NRXN1: variants seen among roughly 807,000 people sequenced by gnomAD.
NRXN1 encodes the protein neurexin 1, also known as neurexin-1.
Under a neutral mutation model 150.9 loss-of-function variants are expected in NRXN1, and 39 were observed. The ratio of observed to expected loss-of-function variants is 0.26; its 90% CI spans 0.20 to 0.34. The LOEUF is 0.34. NRXN1 is among the 10% of genes least tolerant of loss of function. The pLI, the probability that NRXN1 is intolerant of heterozygous loss-of-function variation, is 1.00. For missense variants in NRXN1, 1,815 were observed against 1,949.9 expected, an observed-to-expected ratio of 0.93 and a Z score of 1.30; for synonymous variants, 924 against 757.0, an observed-to-expected ratio of 1.22 and a Z score of -3.62.
At chr2:50,293,922 G>A (rs574666318) in intron 17 of NRXN1, among the ~76,000 whole-genome samples, 310 of 152,250 alleles carry the variant, frequency 2.0e-3, no homozygotes, top group African/African-American at 7.1e-3. Flanking sequence ...TAACCTAAAT[G>A]GGTCTCTTCA....
At chr2:49,963,904 G>A (rs775898970) in intron 21 of NRXN1, among the ~76,000 whole-genome samples, 2 of 152,120 alleles carry the variant, frequency 1.3e-5, no homozygotes, top group Non-Finnish European at 2.9e-5. Context: ...ATGCTGAATC[G>A]GTCATATGTC....
intron 5 of NRXN1, among the ~76,000 whole-genome samples, chr2:50,635,953 G>A (rs2104442509): frequency 6.6e-6 from 1 of 152,184 alleles, no homozygotes; most frequent in African/African-American, 2.4e-5. Flanking sequence ...ACATATGGTG[G>A]ACAATCAATT....
At chr2:49,963,016 CAAAAT>C (rs1402343746) in intron 21 of NRXN1, among the ~76,000 whole-genome samples, 5 of 151,876 alleles carry the variant, frequency 3.3e-5, no homozygotes, top group East Asian at 1.9e-4. Flanking sequence ...ATGAAACTGA[CAAAAT>C]AAAACAGGAA....
intron 15 of NRXN1, among the ~76,000 whole-genome samples, chr2:50,482,866 C>T (rs1219226522): frequency 6.6e-6 from 1 of 151,578 alleles, no homozygotes; most frequent in Non-Finnish European, 1.5e-5. Flanking sequence ...GAGGCTGTGG[C>T]GGGAAGAAAC....
At chr2:50,877,615 C>T (rs1678802717) in intron 5 of NRXN1, among the ~76,000 whole-genome samples, 1 of 151,868 alleles carries the variant, frequency 6.6e-6, no homozygotes, top group African/African-American at 2.4e-5. Context: ...CATATTTTGC[C>T]TCCTGCTAAA....
intron 17 of NRXN1, among the ~76,000 whole-genome samples, chr2:50,456,845 T>C (rs2087613687): frequency 6.6e-6 from 1 of 152,086 alleles, no homozygotes; most frequent in African/African-American, 2.4e-5. Flanking sequence ...ACCTCCGACT[T>C]AGTCTTTTTT....
intron 21 of NRXN1, among the ~76,000 whole-genome samples, chr2:50,002,569 A>C (rs537569693): frequency 6.8e-4 from 104 of 152,200 alleles, no homozygotes; most frequent in Non-Finnish European, 9.6e-4. Flanking sequence ...CCTTTTTGAG[A>C]GTGGGAATGA....
At chr2:50,816,543 C>A (rs1481659602) in intron 5 of NRXN1, among the ~76,000 whole-genome samples, 1 of 152,122 alleles carries the variant, frequency 6.6e-6, no homozygotes, top group African/African-American at 2.4e-5. Flanking sequence ...GGCTGCTCAT[C>A]TGGATTTATC....
At chr2:51,025,998 A>G (rs1398307159) in intron 2 of NRXN1, among the ~76,000 whole-genome samples, 2 of 151,722 alleles carry the variant, frequency 1.3e-5, no homozygotes, top group East Asian at 1.9e-4. Flanking sequence ...GAAGTCTCCT[A>G]AAGACCAGTT....
chr2:50,537,087 CT>C (rs1306941903), intron 10 of NRXN1, among the ~76,000 whole-genome samples: 2 of 152,090 alleles, frequency 1.3e-5, no homozygotes, highest in African/African-American at 2.4e-5. Flanking sequence ...GATGTACCTC[CT>C]TTTTAAGATA....
chr2:50,819,409 G>A (rs1335875256), intron 5 of NRXN1, among the ~76,000 whole-genome samples: 2 of 152,120 alleles, frequency 1.3e-5, no homozygotes, highest in Non-Finnish European at 2.9e-5. Flanking sequence ...ATCATGCTAA[G>A]TGAAAGAAAC....
chr2:50,351,818 T>C (rs2078433001), intron 17 of NRXN1, among the ~76,000 whole-genome samples: 1 of 152,188 alleles, frequency 6.6e-6, no homozygotes, highest in Non-Finnish European at 1.5e-5. Flanking sequence ...GTTGAAATAC[T>C]GTCATATTTG....
At chr2:50,998,786 C>CA (rs1699655685) in intron 2 of NRXN1, among the ~76,000 whole-genome samples, 1 of 152,020 alleles carries the variant, frequency 6.6e-6, no homozygotes, top group African/African-American at 2.4e-5. Context: ...CACATACACC[C>CA]ACCACAATAA....
chr2:50,708,385 T>C (rs577851263), intron 5 of NRXN1, among the ~76,000 whole-genome samples: 1 of 152,318 alleles, frequency 6.6e-6, no homozygotes, highest in African/African-American at 2.4e-5. Context: ...ATATCACCTC[T>C]GTGGCAAAGC....
rs545674748 is a variant in NRXN1 at position 49,999,030 on chromosome 2, A to G, written c.4128+54241T>C. 4.1e-5 allele frequency among the ~76,000 whole-genome samples: 5 copies of G among 121,274 alleles called. No homozygotes were observed. In the South Asian group the frequency reaches 1.2e-3, roughly 29 times the overall value. The allele number at this position is 121,274 out of a possible 152,430, so 79.6% of individuals were successfully genotyped here. A position where few individuals can be genotyped will look rare whatever the true frequency, so the allele number is the denominator to read the frequency against. ...GCTTCTCGTACTTTAGTGTACTACA[A>G]TTAATCTGGGGATCTTCTTAAAATT... On this transcript the variant is annotated intron_variant, in intron 21 of 22. Transcript: ENST00000401669.
intron 12 of NRXN1, among the ~76,000 whole-genome samples, chr2:50,517,005 T>G (rs1210439234): frequency 6.6e-6 from 1 of 152,214 alleles, no homozygotes; most frequent in Non-Finnish European, 1.5e-5. Context: ...ATTTATTTTT[T>G]GACCCACACA....
At chr2:50,626,394 A>C (rs1324662520) in intron 5 of NRXN1, among the ~76,000 whole-genome samples, 1 of 151,972 alleles carries the variant, frequency 6.6e-6, no homozygotes, top group African/African-American at 2.4e-5. Context: ...ATTTATTACA[A>C]AATTATAGTG....
intron 21 of NRXN1, among the ~76,000 whole-genome samples, chr2:50,032,718 A>G (rs1056757806): frequency 1.3e-5 from 2 of 151,890 alleles, no homozygotes; most frequent in Non-Finnish European, 2.9e-5. Context: ...TGGTGTCCTT[A>G]TGAGAATAAA....
chr2:50,246,024 G>C (rs1275890930), intron 17 of NRXN1, among the ~76,000 whole-genome samples: 1 of 151,836 alleles, frequency 6.6e-6, no homozygotes, highest in Admixed American at 6.6e-5. Flanking sequence ...TCATTTTAGA[G>C]TTTTTCTAAT....
Sources: allele counts gnomAD v4.1 joint callset (sites outside exome capture counted in the v4.1 genomes callset), GRCh38; gene constraint gnomAD v4.1.1; transcripts MANE v1.5; gene names NCBI Gene and HGNC (gene_info 2026-07-23, HGNC 2026-07-21).